PARVA: variants seen among roughly 807,000 people sequenced by gnomAD.
PARVA encodes alpha-parvin.
In PARVA, 25 loss-of-function variants were observed where a neutral mutation model predicts 52.6. That is an observed-to-expected ratio of 0.48 (90% CI 0.35 to 0.66). The LOEUF (loss-of-function observed/expected upper bound fraction) is 0.66. Ranked by LOEUF, PARVA falls within the 30% of genes least tolerant of loss-of-function variation. The pLI is 0.01. For synonymous variants in PARVA, 185 were observed against 179.1 expected (o/e 1.03, Z -0.26); for missense variants, 373 against 450.9 (o/e 0.83, Z 1.56).
chr11:12,436,197 T>C (rs377597862), intron 1 of PARVA, among the ~76,000 whole-genome samples: 1 of 152,210 alleles, frequency 6.6e-6, no homozygotes, highest in African/African-American at 2.4e-5. Flanking sequence ...ATTAGGAACA[T>C]ACTATTTGCT....
chr11:12,517,247 C>G (rs1941579250), intron 10 of PARVA, among the ~76,000 whole-genome samples: 1 of 151,986 alleles, frequency 6.6e-6, no homozygotes, highest in Non-Finnish European at 1.5e-5. Flanking sequence ...TGTGCCTTGC[C>G]CCCACACCAG....
chr11:12,529,599 T>A lies in PARVA; in HGVS notation c.*1674T>A, dbSNP rs541191681. The A allele has an allele frequency of 1.3e-5, 2 of 152,294 alleles. No homozygotes were observed. Among genetic ancestry groups the A allele is most frequent in the South Asian group, 4.1e-4 (2 of 4,830 alleles). The allele number at this position is 152,294 out of a possible 1,614,324, so 9.4% of individuals were successfully genotyped here. ...CCCATTCCACAAAGCCCATCTCTGG[T>A]TTGAGAATTCATTTTGATCTGTATC... On this transcript the variant is annotated 3_prime_UTR_variant, in exon 13 of 13. Coordinates refer to ENST00000334956, the MANE Select transcript of PARVA (RefSeq NM_018222.5).
intron 1 of PARVA, among the ~76,000 whole-genome samples, chr11:12,425,144 A>C (rs565696721): frequency 7.9e-5 from 12 of 152,292 alleles, no homozygotes; most frequent in African/African-American, 2.9e-4. Flanking sequence ...TGTTCTGAGA[A>C]TCCATTAGGG....
chr11:12,529,102 T>C lies in PARVA; in HGVS notation c.*1177T>C, dbSNP rs1381672829. The C allele has an allele frequency of 1.3e-5, 2 of 152,230 alleles. No homozygotes were observed. The highest frequency in any genetic ancestry group is 2.9e-5 in the Non-Finnish European group (2 of 68,044). The allele number at this position is 152,230 out of a possible 1,614,324, so 9.4% of individuals were successfully genotyped here. On this transcript the variant is annotated 3_prime_UTR_variant, in exon 13 of 13. Coordinates refer to ENST00000334956, the MANE Select transcript of PARVA (RefSeq NM_018222.5). ...TAAAGAAAGGAACTTCTTTTTGCCT[T>C]CTAATTGATCATTTAGACTATTCTG...
At chr11:12,406,506 ATT>A (rs56101389) in intron 1 of PARVA, among the ~76,000 whole-genome samples, 95,036 of 150,648 alleles carry the variant, frequency 0.63, 30,044 homozygotes, top group African/African-American at 0.69. Flanking sequence ...TTGTATTTTG[ATT>A]TTTTTTTTTA....
chr11:12,519,339 C>A (rs144928810), intron 12 of PARVA, among the ~76,000 whole-genome samples: 2 of 152,278 alleles, frequency 1.3e-5, no homozygotes, highest in East Asian at 3.9e-4. Flanking sequence ...CTATCCAAAC[C>A]CCCACCTAGT....
intron 6 of PARVA, among the ~76,000 whole-genome samples, chr11:12,507,176 C>T (rs905349714): frequency 1.5e-4 from 23 of 152,060 alleles, no homozygotes; most frequent in Non-Finnish European, 2.5e-4. Flanking sequence ...TTTGCAAGGA[C>T]TCTGGGTTCT....
intron 5 of PARVA, among the ~76,000 whole-genome samples, chr11:12,499,244 A>G (rs78057781): frequency 0.025 from 3,784 of 152,284 alleles, 146 homozygotes; most frequent in African/African-American, 0.086. Context: ...TTATTTACAA[A>G]GTCATAGTGG....
At chr11:12,389,814 C>T (rs138374215) in intron 1 of PARVA, among the ~76,000 whole-genome samples, 136 of 152,288 alleles carry the variant, frequency 8.9e-4, no homozygotes, top group African/African-American at 2.9e-3. Context: ...AGTTAGAGCA[C>T]GTCATTATCA....
At chr11:12,419,761 T>A (rs1197475082) in intron 1 of PARVA, among the ~76,000 whole-genome samples, 2 of 152,188 alleles carry the variant, frequency 1.3e-5, no homozygotes, top group African/African-American at 4.8e-5. Context: ...TTTCCCAACA[T>A]CCTCACCAAT....
chr11:12,390,539 A>G (rs71478999), intron 1 of PARVA, among the ~76,000 whole-genome samples: 25,913 of 152,134 alleles, frequency 0.17, 2,385 homozygotes, highest in South Asian at 0.3. Context: ...TGTAGCAGGC[A>G]GGTTACGACC....
At chr11:12,510,908 A>G (rs1337379137) in intron 7 of PARVA, among the ~76,000 whole-genome samples, 1 of 152,190 alleles carries the variant, frequency 6.6e-6, no homozygotes, top group Non-Finnish European at 1.5e-5. Context: ...ACTCAGTGCA[A>G]TTTAAACCTC....
chr11:12,456,800 C>T (rs1172829721), intron 1 of PARVA, among the ~76,000 whole-genome samples: 1 of 152,064 alleles, frequency 6.6e-6, no homozygotes, highest in East Asian at 1.9e-4. Flanking sequence ...CCCCAGGCTC[C>T]CATAGAGTAC....
At chr11:12,464,257 G>A (rs1046436543) in intron 1 of PARVA, among the ~76,000 whole-genome samples, 7 of 152,134 alleles carry the variant, frequency 4.6e-5, no homozygotes, top group Non-Finnish European at 8.8e-5. Flanking sequence ...GTAACCATCT[G>A]TATCTATATT....
chr11:12,486,533 C>A (rs1209753657), intron 4 of PARVA, among the ~76,000 whole-genome samples: 1 of 151,238 alleles, frequency 6.6e-6, no homozygotes, highest in Non-Finnish European at 1.5e-5. Context: ...AACTCTGTCT[C>A]AAAAATAAAA....
At chr11:12,460,271 C>T (rs1331212499) in intron 1 of PARVA, among the ~76,000 whole-genome samples, 2 of 150,976 alleles carry the variant, frequency 1.3e-5, no homozygotes, top group East Asian at 3.8e-4. Context: ...GCTCTGCAGC[C>T]AGCTGGCTCA....
intron 4 of PARVA, among the ~76,000 whole-genome samples, chr11:12,491,262 A>C (rs972877043): frequency 5.9e-5 from 9 of 152,174 alleles, no homozygotes; most frequent in Non-Finnish European, 1.3e-4. Flanking sequence ...TCCCAGGCTC[A>C]AAAGAAATCC....
chr11:12,407,431 G>A (rs1269710700), intron 1 of PARVA, among the ~76,000 whole-genome samples: 1 of 152,200 alleles, frequency 6.6e-6, no homozygotes, highest in South Asian at 2.1e-4. Context: ...TTGAAGCATA[G>A]AGGAGATAAA....
intron 1 of PARVA, among the ~76,000 whole-genome samples, chr11:12,454,850 TA>T (rs902233439): frequency 5.9e-5 from 9 of 152,236 alleles, no homozygotes; most frequent in South Asian, 2.1e-4. Flanking sequence ...TATATTCATG[TA>T]AAAAAATTAA....
Sources: gnomAD v4.1 joint callset for allele counts (sites outside exome capture counted in the v4.1 genomes callset) on GRCh38, gnomAD v4.1.1 for gene constraint, MANE v1.5 for transcripts, NCBI Gene and HGNC (gene_info 2026-07-23, HGNC 2026-07-21) for gene names.